Variants in FAM178B observed in about 807,000 individuals in gnomAD.
FAM178B encodes the protein family with sequence similarity 178 member B, also known as protein FAM178B.
Under a neutral mutation model 91.7 loss-of-function variants are expected in FAM178B, and 82 were observed. That is an observed-to-expected ratio of 0.89 (90% CI 0.75 to 1.07). The LOEUF (loss-of-function observed/expected upper bound fraction) is 1.07. FAM178B is among the 50% of genes least tolerant of loss of function. FAM178B has a pLI of 0.00. For missense variants in FAM178B, 769 were observed against 846.7 expected, an observed-to-expected ratio of 0.91 and a Z score of 1.14; for synonymous variants, 368 against 359.4, an observed-to-expected ratio of 1.02 and a Z score of -0.27.
chr2:96,902,480 C>T (rs1192930855), intron 13 of FAM178B, 140 bp downstream of exon 13: 15 of 637,828 alleles, frequency 2.4e-5, no homozygotes, highest in Admixed American at 9.7e-5. Context: ...GGCATGCAAG[C>T]GGTAATTCTT....
intron 8 of FAM178B, among the ~76,000 whole-genome samples, chr2:96,938,032 TCAA>T (rs1399082322): frequency 6.6e-6 from 1 of 152,132 alleles, no homozygotes; most frequent in African/African-American, 2.4e-5. Flanking sequence ...AGACCTTGTC[TCAA>T]CAACAACAAA....
At chr2:96,887,408 T>C (rs1255543390) in intron 14 of FAM178B, among the ~76,000 whole-genome samples, 3 of 152,136 alleles carry the variant, frequency 2.0e-5, no homozygotes. Flanking sequence ...GGGTTGTGCC[T>C]GAGGTGAGAC....
chr2:96,970,807 G>T, intron 3 of FAM178B, 30 bp from the exon 4 acceptor site: 3 of 1,469,570 alleles, frequency 2.0e-6, no homozygotes, highest in Non-Finnish European at 2.8e-6. Context: ...GAATGAGGAC[G>T]ACAGAGAAGT....
intron 15 of FAM178B, 110 bp from the exon 16 acceptor site, chr2:96,878,152 C>G: frequency 8.1e-7 from 1 of 1,234,840 alleles, no homozygotes; most frequent in Non-Finnish European, 1.2e-6. Context: ...ATTTGAGTGA[C>G]TGTTCAGAAG....
intron 13 of FAM178B, among the ~76,000 whole-genome samples, chr2:96,899,818 G>C (rs551405508): frequency 6.7e-6 from 1 of 148,610 alleles, no homozygotes; most frequent in African/African-American, 2.5e-5. Context: ...TTACAGGCCA[G>C]AGACACTGCC....
At chr2:96,966,706 G>A (rs1050796583) in intron 5 of FAM178B, among the ~76,000 whole-genome samples, 1 of 152,304 alleles carries the variant, frequency 6.6e-6, no homozygotes, top group South Asian at 2.1e-4. Context: ...CAGGGTGAAG[G>A]TATTAGGAAG....
At chr2:96,921,456 C>A in intron 11 of FAM178B, 22 bp downstream of exon 11, 1 of 1,551,562 alleles carries the variant, frequency 6.4e-7, no homozygotes, top group Non-Finnish European at 8.7e-7. Context: ...TGTATGAGGA[C>A]CAGGCTCTGG....
intron 6 of FAM178B, among the ~76,000 whole-genome samples, chr2:96,959,838 C>T (rs549684953): frequency 1.3e-5 from 2 of 152,324 alleles, no homozygotes; most frequent in South Asian, 2.1e-4. Flanking sequence ...ATTGTTAGAG[C>T]ATGTGCCTGC....
At chr2:96,896,174 G>A (rs535926253) in intron 13 of FAM178B, among the ~76,000 whole-genome samples, 5 of 152,326 alleles carry the variant, frequency 3.3e-5, no homozygotes, top group East Asian at 3.9e-4. Context: ...TCGCCCAGCC[G>A]GGACCCTCCC....
chr2:96,879,754 C>A (rs2153367148), intron 14 of FAM178B, among the ~76,000 whole-genome samples: 1 of 152,354 alleles, frequency 6.6e-6, no homozygotes, highest in African/African-American at 2.4e-5. Context: ...CCGAGGCGTG[C>A]CTCCAGGAGA....
chr2:96,895,726 A>G (rs1186914382), intron 13 of FAM178B, among the ~76,000 whole-genome samples: 3 of 152,202 alleles, frequency 2.0e-5, no homozygotes, highest in Admixed American at 1.3e-4. Flanking sequence ...TTTAGATGGC[A>G]CAGAAGCAGG....
intron 8 of FAM178B, among the ~76,000 whole-genome samples, chr2:96,946,787 A>G (rs2153373023): frequency 1.3e-5 from 2 of 152,354 alleles, no homozygotes; most frequent in Middle Eastern, 6.8e-3. Context: ...TCCAAAGTGC[A>G]TCGGGGGCTA....
chr2:96,908,359 C>G (rs2081093998), intron 12 of FAM178B, among the ~76,000 whole-genome samples: 1 of 152,218 alleles, frequency 6.6e-6, no homozygotes, highest in Non-Finnish European at 1.5e-5. Flanking sequence ...AAGCCAGACC[C>G]AAGGGAGAAT....
At position 96,902,624 on chromosome 2, in the gene FAM178B, G is replaced by A. The variant is rs2080955601; in HGVS notation, c.1646C>T (p.Thr549Ile). 2 of 1,548,956 alleles carry A rather than the reference G, an allele frequency of 1.3e-6. No homozygotes were observed. Among genetic ancestry groups the A allele is most frequent in the African/African-American group, 1.4e-5 (1 of 72,988 alleles). The change falls in exon 13 of 17, where the codon ACC (threonine) becomes ATC (isoleucine). Residue 549 changes from threonine to isoleucine, a missense_variant. Coordinates refer to ENST00000490605, the MANE Select transcript of FAM178B (RefSeq NM_001122646.3). ...AGGCCTGAAGCAAACACTCACCTGG[G>A]TCTTCTCTTGCCAGAGAGGGAGCAT... The part of the protein sequence containing the change: ...QEMLPLWQEK[T>I]QLSSLSRLLG...
chr2:96,921,350 G>T, intron 11 of FAM178B, 88 bp from the exon 12 acceptor site: 2 of 1,504,788 alleles, frequency 1.3e-6, no homozygotes, highest in Non-Finnish European at 1.8e-6. Flanking sequence ...GAGTAAGTGG[G>T]CAGTCACGGA....
At chr2:96,901,266 A>C (rs1300015514) in intron 13 of FAM178B, among the ~76,000 whole-genome samples, 1 of 148,062 alleles carries the variant, frequency 6.8e-6, no homozygotes, top group Admixed American at 6.9e-5. Flanking sequence ...TCCGCCTCCC[A>C]GGTTCAAGCA....
In FAM178B at chr2:96,967,597, C is replaced by G. The variant is rs771079957; in HGVS notation, c.657G>C (p.Arg219Ser). ...REQALEQERE[R>S]LLLQECLNLN... ...GATTGAGACACTCCTGCAGAAGCAG[C>G]CTCTCTCGCTCCTGCTCCAGGGCCT... The change falls in exon 5 of 17, where the codon AGG becomes AGC. Residue 219 changes from arginine to serine, a missense_variant. Arg to Ser is a moderately radical substitution (Grantham distance 110). Transcript: ENST00000490605. 41 of 1,550,204 alleles carry G rather than the reference C, an allele frequency of 2.6e-5. No individual in the cohort carries two copies. The highest frequency in any genetic ancestry group is 1.7e-6 in the Non-Finnish European group (2 of 1,146,820).
At chr2:96,954,205 G>A (rs2081967549) in intron 6 of FAM178B, among the ~76,000 whole-genome samples, 1 of 152,238 alleles carries the variant, frequency 6.6e-6, no homozygotes, top group Non-Finnish European at 1.5e-5. Context: ...GAAGCCCCCA[G>A]CTGTCAGACC....
chr2:96,967,383 G>A, intron 5 of FAM178B, 137 bp downstream of exon 5: 1 of 600,066 alleles, frequency 1.7e-6, no homozygotes, highest in Non-Finnish European at 3.0e-6. Context: ...GGCTTTAAGA[G>A]AAAGAGGTAG....
Sources: allele counts gnomAD v4.1 joint callset (sites outside exome capture counted in the v4.1 genomes callset), GRCh38; gene constraint gnomAD v4.1.1; transcripts MANE v1.5; gene names NCBI Gene and HGNC (gene_info 2026-07-23, HGNC 2026-07-21).